CCR10: variants seen among roughly 807,000 people sequenced by gnomAD.
The protein encoded by CCR10 is C-C chemokine receptor type 10.
In CCR10, 11 loss-of-function variants were observed where a neutral mutation model predicts 11.9. That is an observed-to-expected ratio of 0.92 (90% CI 0.58 to 1.53). The LOEUF (loss-of-function observed/expected upper bound fraction) is 1.53, where lower values mean the gene tolerates loss of function less well. Ranked by LOEUF, CCR10 falls within the 40% of genes most tolerant of loss-of-function variation. The probability of loss-of-function intolerance (pLI) is 0.00; values close to 1 mark genes in which losing one functional copy is unlikely to be tolerated. For synonymous variants in CCR10, 224 were observed against 245.4 expected (o/e 0.91, Z 0.81); for missense variants, 428 against 496.6 (o/e 0.86, Z 1.31).
At position 42,679,664 on chromosome 17, in the gene CCR10, C is replaced by T. The variant is rs1161739995; in HGVS notation, c.978G>A (p.Arg326=). 2 of 1,512,150 alleles carry T rather than the reference C, an allele frequency of 1.3e-6. No individual in the cohort carries two copies. The highest frequency in any genetic ancestry group is 4.9e-5 in the East Asian group (2 of 40,744). The allele number at this position is 1,512,150 out of a possible 1,614,324, so 93.7% of individuals were successfully genotyped here. ...RFRQDLRRLL[R]GGSCPSGPQP... ...GAGGCCCTGAGGGGCAGCTCCCACC[C>T]CGTAGCAGCCTCCGCAGGTCCTGGC... Residue 326 remains arginine (R), a synonymous_variant, in exon 2 of 2, where the codon CGG becomes CGA. Transcript: ENST00000332438.
In CCR10 at chr17:42,679,749, A is replaced by C; in HGVS notation, c.893T>G (p.Leu298Trp). Residue 298 changes from leucine (L) to tryptophan (W), a missense_variant, in exon 2 of 2, where the codon TTG (leucine) becomes TGG (tryptophan). Transcript: ENST00000332438. ...KDVALLVTSG[L>W]ALARCGLNPV... ...ATTGAGGCCACAGCGGGCGAGGGCC[A>C]AGCCGCTGGTCACCAGCAGTGCGAC... is the stretch of plus-strand genomic sequence containing the variant. 6.3e-7 allele frequency: 1 copy of C among 1,596,252 alleles called. No individual in the cohort carries two copies. The highest frequency in any genetic ancestry group is 8.5e-7 in the Non-Finnish European group (1 of 1,172,580).
Position 42,679,611 on chromosome 17 carries a change from G to A in CCR10, c.1031C>T (p.Pro344Leu). 6.7e-7 allele frequency: 1 copy of A among 1,483,222 alleles called. No individual in the cohort carries two copies. The highest frequency in any genetic ancestry group is 8.9e-7 in the Non-Finnish European group (1 of 1,121,834). 91.9% of individuals were successfully genotyped at this position (1,483,222 alleles called of 1,614,324 possible). A position where few individuals can be genotyped will look rare whatever the true frequency, so the allele number is the denominator to read the frequency against. The change falls in exon 2 of 2, where the codon CCC (proline) becomes CTC (leucine). Residue 344 changes from proline (P) to leucine (L), a missense_variant. By Grantham distance (98) the Pro-to-Leu change is moderately conservative. Coordinates refer to ENST00000332438, the MANE Select transcript of CCR10 (RefSeq NM_016602.3). ...PQPRRGCPRR[P>L]RLSSCSAPTE... ...GGGAGCTGAGCAGGAAGAAAGGCGG[G>A]GCCGGCGGGGGCAGCCGCGGCGGGG... is the stretch of plus-strand genomic sequence containing the variant.
chr17:42,679,875 A>T lies in CCR10; in HGVS notation c.767T>A (p.Phe256Tyr). Residue 256 changes from phenylalanine to tyrosine, a missense_variant, in exon 2 of 2, where the codon TTC becomes TAC. Transcript: ENST00000332438. ...LRVVVALVAAFVVLQLPYSLA... is the reference protein window; with the variant it reads ...LRVVVALVAAYVVLQLPYSLA... ...GCTGTAGGGCAGCTGCAGCACCACG[A>T]AGGCCGCCACCAGAGCCACCACGAC... 6.3e-7 allele frequency: 1 copy of T among 1,593,102 alleles called. No homozygotes were observed. Among genetic ancestry groups the T allele is most frequent in the Non-Finnish European group, 8.5e-7 (1 of 1,174,232 alleles).
At position 42,679,368 on chromosome 17, in the gene CCR10, C is replaced by A. The variant is rs1364051359; in HGVS notation, c.*185G>T. 5 of 429,778 alleles carry A rather than the reference C, an allele frequency of 1.2e-5. No individual in the cohort carries two copies. Among genetic ancestry groups the A allele is most frequent in the Non-Finnish European group, 2.0e-5 (5 of 249,136 alleles). 26.6% of individuals were successfully genotyped at this position (429,778 alleles called of 1,614,324 possible). Reference sequence around the variant, plus strand: ...CCACCGGTTCTGCCCCGCCACAAATCACTTCCAAGTCGGTGACTCAAAAAT... The same window carrying A: ...CCACCGGTTCTGCCCCGCCACAAATAACTTCCAAGTCGGTGACTCAAAAAT... On this transcript the variant is annotated 3_prime_UTR_variant, in exon 2 of 2. Transcript: ENST00000332438.
chr17:42,681,649 T>C, intron 1 of CCR10, 151 bp downstream of exon 1: 1 of 712,982 alleles, frequency 1.4e-6, no homozygotes, highest in East Asian at 2.7e-5. Flanking sequence ...CACCAGCCCA[T>C]TTATCTGGAG....
Position 42,680,123 on chromosome 17 carries a change from C to A in CCR10, c.519G>T (p.Ala173=). Reference sequence around the variant, plus strand: ...CCTGGCTGAAGAGCAGCGCAGGCAGCGCCAGGAGCAGTGACAGCAGCCACA... The same window carrying A: ...CCTGGCTGAAGAGCAGCGCAGGCAGAGCCAGGAGCAGTGACAGCAGCCACA... ...VIVWLLSLLL[A]LPALLFSQDG... is the part of the protein sequence containing the mutation. The change falls in exon 2 of 2, where the codon GCG becomes GCT. Residue 173 remains alanine, a synonymous_variant. Transcript: ENST00000332438. 6.2e-7 allele frequency: 1 copy of A among 1,612,048 alleles called. No individual in the cohort carries two copies. The highest frequency in any genetic ancestry group is 8.5e-7 in the Non-Finnish European group (1 of 1,179,704).
rs1473713758 is a variant in CCR10, at chr17:42,679,110, G to A, written c.*443C>T. 6.3e-6 allele frequency: 1 copy of A among 157,698 alleles called. No individual in the cohort carries two copies. Among genetic ancestry groups the A allele is most frequent in the African/African-American group, 2.4e-5 (1 of 41,652 alleles). 9.8% of individuals were successfully genotyped at this position (157,698 alleles called of 1,614,324 possible). A position where few individuals can be genotyped will look rare whatever the true frequency, so the allele number is the denominator to read the frequency against. On this transcript the variant is annotated 3_prime_UTR_variant, in exon 2 of 2. Transcript: ENST00000332438. ...GCCATTACTGGAGAGCGCTCTGGTT[G>A]TTAGAAAGCTCTTCCTTACAGTATT...
rs1253454119 is a variant in CCR10, at chr17:42,680,120, C to T, written c.522G>A (p.Leu174=). The stretch of plus-strand genomic sequence containing the variant: ...CATCCTGGCTGAAGAGCAGCGCAGG[C>T]AGCGCCAGGAGCAGTGACAGCAGCC... ...IVWLLSLLLA[L]PALLFSQDGQ... Residue 174 remains leucine, a synonymous_variant, in exon 2 of 2, where the codon CTG becomes CTA. Coordinates refer to ENST00000332438, the MANE Select transcript of CCR10 (RefSeq NM_016602.3). 2 of 1,612,064 alleles carry T rather than the reference C, an allele frequency of 1.2e-6. No homozygotes were observed. Among genetic ancestry groups the T allele is most frequent in the East Asian group, 4.5e-5 (2 of 44,844 alleles).
chr17:42,680,111 C>T lies in CCR10; in HGVS notation c.531G>A (p.Leu177=). ...LLSLLLALPA[L]LFSQDGQREG... ...CCCGCTGCCCATCCTGGCTGAAGAG[C>T]AGCGCAGGCAGCGCCAGGAGCAGTG... Residue 177 remains leucine (L), a synonymous_variant, in exon 2 of 2, where the codon CTG becomes CTA. Coordinates refer to ENST00000332438, the MANE Select transcript of CCR10 (RefSeq NM_016602.3). 1 of 1,611,752 alleles carries T rather than the reference C, an allele frequency of 6.2e-7. No homozygotes were observed. Among genetic ancestry groups the T allele is most frequent in the Non-Finnish European group, 8.5e-7 (1 of 1,179,680 alleles).
rs775300808 is a variant in CCR10, at chr17:42,679,593, G to A, written c.1049C>T (p.Ser350Leu). The A allele has an allele frequency of 4.0e-6, 6 of 1,488,822 alleles. No individual in the cohort carries two copies. The East Asian group carries it at 7.5e-5, about 19-fold the overall frequency. The allele number at this position is 1,488,822 out of a possible 1,614,324, so 92.2% of individuals were successfully genotyped here. Reference sequence around the variant, plus strand: ...GAGACTGTGGGTCTCCGTGGGAGCTGAGCAGGAAGAAAGGCGGGGCCGGCG... The same window carrying A: ...GAGACTGTGGGTCTCCGTGGGAGCTAAGCAGGAAGAAAGGCGGGGCCGGCG... ...CPRRPRLSSC[S>L]APTETHSLSW... The change falls in exon 2 of 2, where the codon TCA (serine) becomes TTA (leucine). Residue 350 changes from serine to leucine, a missense_variant. Ser to Leu is a moderately radical substitution (Grantham distance 145, BLOSUM62 -2). Transcript: ENST00000332438.
chr17:42,680,532 T>C lies in CCR10; in HGVS notation c.110A>G (p.Gln37Arg). ...LPELCYKADV[Q>R]AFSRAFQPSV... ...GGGTTGGAAGGCCCGGCTGAAGGCC[T>C]GGACATCGGCCTTGTAGCAAAGCTC... Residue 37 changes from glutamine (Q) to arginine (R), a missense_variant, in exon 2 of 2, where the codon CAG becomes CGG. Transcript: ENST00000332438. The C allele has an allele frequency of 1.2e-6, 2 of 1,612,050 alleles. No individual in the cohort carries two copies. The highest frequency in any genetic ancestry group is 1.7e-6 in the Non-Finnish European group (2 of 1,179,404).
rs1012481264 is a variant in CCR10 at position 42,679,925 on chromosome 17, C to A, written c.717G>T (p.Gly239=). The A allele has an allele frequency of 2.3e-5, 36 of 1,554,604 alleles. No homozygotes were observed. Among genetic ancestry groups the A allele is most frequent in the Non-Finnish European group, 2.9e-5 (33 of 1,156,044 alleles). ...LLGRTLLAAR[G]PERRRALRVV... is the part of the protein sequence containing the mutation. ...CGCGCAGCGCACGCCGGCGCTCGGG[C>A]CCCCTGGCGGCCAGCAGCGTGCGGC... Residue 239 remains glycine (G), a synonymous_variant, in exon 2 of 2, where the codon GGG becomes GGT. Transcript: ENST00000332438.
In CCR10 at chr17:42,679,507, C is replaced by T. The variant is rs759517393; in HGVS notation, c.*46G>A. On this transcript the variant is annotated 3_prime_UTR_variant, in exon 2 of 2. Coordinates refer to ENST00000332438, the MANE Select transcript of CCR10 (RefSeq NM_016602.3). Reference sequence around the variant, plus strand: ...TTCTCAGTGTTCCCCCACCTACTCCCCTTTCCCACGACCCTCAGCCTGCCC... The same window carrying T: ...TTCTCAGTGTTCCCCCACCTACTCCTCTTTCCCACGACCCTCAGCCTGCCC... 2.1e-5 allele frequency: 28 copies of T among 1,355,380 alleles called. No homozygotes were observed. Among genetic ancestry groups the T allele is most frequent in the Admixed American group, 2.7e-5 (1 of 36,494 alleles). The allele number at this position is 1,355,380 out of a possible 1,614,324, so 84.0% of individuals were successfully genotyped here.
At chr17:42,681,747 C>A in intron 1 of CCR10, 53 bp downstream of exon 1, 1 of 1,316,596 alleles carries the variant, frequency 7.6e-7, no homozygotes, top group South Asian at 1.2e-5. Flanking sequence ...CCATTCCTTC[C>A]CTGTCTCCTC....
Position 42,680,199 on chromosome 17 carries a change from G to T in CCR10, c.443C>A (p.Ala148Asp), listed in dbSNP as rs776284725. ...GCCGGGAGTGGAGGGCCGCGGCCCG[G>T]CTGGGAGCGCTCGCGCGATGGCCAC... ...RYVAIARALPAGPRPSTPGRA... is the reference protein window; with the variant it reads ...RYVAIARALPDGPRPSTPGRA... The change falls in exon 2 of 2, where the codon GCC (alanine) becomes GAC (aspartate). Residue 148 changes from alanine to aspartate, a missense_variant. Ala to Asp is a moderately radical substitution (Grantham distance 126). Coordinates refer to ENST00000332438, the MANE Select transcript of CCR10 (RefSeq NM_016602.3). The T allele has an allele frequency of 5.0e-6, 8 of 1,605,468 alleles. No individual in the cohort carries two copies. The South Asian group carries it at 5.6e-5, about 11-fold the overall frequency.
At chr17:42,681,751 T>A (rs1009752891) in intron 1 of CCR10, 49 bp downstream of exon 1, 1 of 1,340,000 alleles carries the variant, frequency 7.5e-7, no homozygotes, top group African/African-American at 1.4e-5. Flanking sequence ...TCCTTCCCTG[T>A]CTCCTCCCTC....
rs759998519 is a variant in CCR10, at chr17:42,680,492, G to C, written c.150C>G (p.Thr50=). Residue 50 remains threonine, a synonymous_variant, in exon 2 of 2, where the codon ACC becomes ACG. Coordinates refer to ENST00000332438, the MANE Select transcript of CCR10 (RefSeq NM_016602.3). Reference sequence around the variant, plus strand: ...TGCCGGCCAGACCCAGCGCAGCCACGGTCAGGGAGACACTGGGTTGGAAGG... The same window carrying C: ...TGCCGGCCAGACCCAGCGCAGCCACCGTCAGGGAGACACTGGGTTGGAAGG... ...SRAFQPSVSL[T]VAALGLAGNG... The C allele has an allele frequency of 6.2e-7, 1 of 1,611,626 alleles. No individual in the cohort carries two copies. Among genetic ancestry groups the C allele is most frequent in the Non-Finnish European group, 8.5e-7 (1 of 1,179,318 alleles).
rs1442659112 is a variant in CCR10 at position 42,679,793 on chromosome 17, AG to A, written c.848del (p.Pro283LeufsTer12). ...GTGCGACATCCTTGCGTTTGCTGGCAGGGCAGCTCCGCTCGCGCGCAGCCAG... is the reference window on the plus strand; with the variant it reads ...GTGCGACATCCTTGCGTTTGCTGGCAGGCAGCTCCGCTCGCGCGCAGCCAG... ...DLLAARERSC[P>X]ASKRKDVALL... On this transcript the variant is annotated frameshift_variant, in exon 2 of 2. Transcript: ENST00000332438. LOFTEE classifies it high-confidence loss of function. 2 of 1,607,010 alleles carry A rather than the reference AG, an allele frequency of 1.2e-6. No individual in the cohort carries two copies. The highest frequency in any genetic ancestry group is 2.7e-5 in the African/African-American group (2 of 74,080).
Position 42,680,282 on chromosome 17 carries a change from G to A in CCR10, c.360C>T (p.Tyr120=), listed in dbSNP as rs2052913317. 1.9e-6 allele frequency: 3 copies of A among 1,563,330 alleles called. No individual in the cohort carries two copies. In the East Asian group the frequency reaches 7.2e-5, roughly 37 times the overall value. The change falls in exon 2 of 2, where the codon TAC becomes TAT. Residue 120 remains tyrosine (Y), a synonymous_variant. Coordinates refer to ENST00000332438, the MANE Select transcript of CCR10 (RefSeq NM_016602.3). ...SATCRTISGL[Y]SASFHAGFLF... is the part of the protein sequence containing the mutation. ...GGAAGCCGGCGTGGAAGGAGGCCGA[G>A]TAGAGGCCAGAGATGGTGCGGCAGG...
Sources: allele counts gnomAD v4.1 joint callset, GRCh38; gene constraint gnomAD v4.1.1; transcripts MANE v1.5; gene names NCBI Gene and HGNC (gene_info 2026-07-23, HGNC 2026-07-21).